Variants in RBFOX1 observed in about 807,000 individuals in gnomAD.
The protein encoded by RBFOX1 is RNA binding protein fox-1 homolog 1.
Under a neutral mutation model 57.7 loss-of-function variants are expected in RBFOX1, and 8 were observed. The observed-to-expected ratio is 0.14, with a 90% CI of 0.08 to 0.25. The LOEUF (loss-of-function observed/expected upper bound fraction) is 0.25, where lower values mean the gene tolerates loss of function less well. RBFOX1 is among the 10% of genes least tolerant of loss of function. RBFOX1 has a pLI of 1.00. For synonymous variants in RBFOX1, 326 were observed against 222.4 expected (o/e 1.47, Z -4.15); for missense variants, 611 against 548.5 (o/e 1.11, Z -1.14).
intron 1 of RBFOX1, among the ~76,000 whole-genome samples, chr16:5,342,947 C>A (rs1330117947): frequency 1.3e-5 from 2 of 152,122 alleles, no homozygotes; most frequent in Non-Finnish European, 2.9e-5. Context: ...TAGACCTAAG[C>A]CATCTGGGTA....
chr16:7,687,055 T>C (rs951015815), intron 14 of RBFOX1, among the ~76,000 whole-genome samples: 1 of 152,124 alleles, frequency 6.6e-6, no homozygotes, highest in African/African-American at 2.4e-5. Flanking sequence ...TTTAAGTGTA[T>C]TTTCATGTGT....
At chr16:7,193,924 G>C (rs547022946) in intron 4 of RBFOX1, among the ~76,000 whole-genome samples, 1 of 151,802 alleles carries the variant, frequency 6.6e-6, no homozygotes, top group Non-Finnish European at 1.5e-5. Flanking sequence ...AGTAGCAGTT[G>C]AAAATATAGT....
At chr16:5,834,687 GTAGA>G (rs151197873) in intron 3 of RBFOX1, among the ~76,000 whole-genome samples, 29 of 134,866 alleles carry the variant, frequency 2.2e-4, no homozygotes, top group Middle Eastern at 7.2e-3. Context: ...AATGGGATAG[GTAGA>G]TAGATAGATA....
chr16:6,213,414 C>A (rs973582723), intron 1 of RBFOX1, among the ~76,000 whole-genome samples: 16 of 152,090 alleles, frequency 1.1e-4, no homozygotes, highest in African/African-American at 3.9e-4. Flanking sequence ...CAACACTGGG[C>A]TGATTTACAA....
At chr16:6,100,267 A>G (rs1241869210) in intron 1 of RBFOX1, among the ~76,000 whole-genome samples, 2 of 151,842 alleles carry the variant, frequency 1.3e-5, no homozygotes, top group South Asian at 2.1e-4. Context: ...GGTTCACGCC[A>G]TTCTCCTGCC....
At chr16:6,213,917 C>T (rs1276706302) in intron 1 of RBFOX1, among the ~76,000 whole-genome samples, 3 of 152,128 alleles carry the variant, frequency 2.0e-5, no homozygotes, top group African/African-American at 7.2e-5. Context: ...AGCATCCCAG[C>T]TCTCTACACT....
At chr16:6,269,223 T>C (rs760489209) in intron 1 of RBFOX1, among the ~76,000 whole-genome samples, 5 of 152,204 alleles carry the variant, frequency 3.3e-5, no homozygotes, top group Non-Finnish European at 5.9e-5. Flanking sequence ...TTGGTGAATA[T>C]GTAAGTAGTA....
At chr16:6,694,519 G>C (rs1603432630) in intron 3 of RBFOX1, among the ~76,000 whole-genome samples, 2 of 152,192 alleles carry the variant, frequency 1.3e-5, no homozygotes, top group Admixed American at 6.5e-5. Context: ...AAGTGTTTTA[G>C]TTACATGTCC....
chr16:5,826,287 C>T (rs1035760699), intron 3 of RBFOX1, among the ~76,000 whole-genome samples: 1 of 151,982 alleles, frequency 6.6e-6, no homozygotes, highest in Non-Finnish European at 1.5e-5. Flanking sequence ...ATATACTGTG[C>T]CCCTCAAGTG....
intron 2 of RBFOX1, among the ~76,000 whole-genome samples, chr16:6,609,635 T>G (rs1052482290): frequency 6.6e-6 from 1 of 152,220 alleles, no homozygotes; most frequent in Admixed American, 6.5e-5. Context: ...ATTAGCTGTT[T>G]GGGGGAATCC....
At chr16:5,758,137 G>C (rs2053464948) in intron 3 of RBFOX1, among the ~76,000 whole-genome samples, 1 of 152,204 alleles carries the variant, frequency 6.6e-6, no homozygotes, top group African/African-American at 2.4e-5. Flanking sequence ...GTTAAATTGA[G>C]CCAGGAAAGA....
At chr16:6,063,240 C>G (rs1210876597) in intron 1 of RBFOX1, among the ~76,000 whole-genome samples, 2 of 152,050 alleles carry the variant, frequency 1.3e-5, no homozygotes, top group African/African-American at 2.4e-5. Context: ...AAGGCAGAGG[C>G]TGCCATGATC....
At chr16:6,183,001 A>G (rs1050878392) in intron 1 of RBFOX1, among the ~76,000 whole-genome samples, 2 of 152,222 alleles carry the variant, frequency 1.3e-5, no homozygotes, top group African/African-American at 4.8e-5. Flanking sequence ...GATCATATAC[A>G]TTAATTCACT....
At chr16:6,487,703 ATATATATATATATATATATATATATAT>A (rs2095533395) in intron 2 of RBFOX1, among the ~76,000 whole-genome samples, 2 of 4,774 alleles carry the variant, frequency 4.2e-4, no homozygotes, top group East Asian at 8.2e-3. Context: ...AAAAAAAAAT[ATATATATATATATATATATATATATAT>A]ATATATATAT....
At chr16:6,266,481 A>G (rs999527346) in intron 1 of RBFOX1, among the ~76,000 whole-genome samples, 1 of 152,204 alleles carries the variant, frequency 6.6e-6, no homozygotes, top group Non-Finnish European at 1.5e-5. Flanking sequence ...TGGGTGGCCT[A>G]GGCAGGCAGA....
At chr16:7,218,449 C>T (rs1278025116) in intron 4 of RBFOX1, among the ~76,000 whole-genome samples, 1 of 152,140 alleles carries the variant, frequency 6.6e-6, no homozygotes, top group Non-Finnish European at 1.5e-5. Context: ...CATATTCGAT[C>T]CCAGTGAGAG....
In RBFOX1 at chr16:6,896,005, A is replaced by G. The variant is rs149062750; in HGVS notation, c.-15-156052A>G. Among the ~76,000 whole-genome samples the G allele has an allele frequency of 6.8e-3, 1,027 of 152,064 alleles. 10 individuals carry two copies. The highest frequency in any genetic ancestry group is 0.023 in the African/African-American group (972 of 41,528). On this transcript the variant is annotated intron_variant, in intron 3 of 15. Transcript: ENST00000550418. ...GCATGCTGTGTGAAATAATCAAATC[A>G]TGAAGAATGGGATATCCATTGGGTT...
intron 3 of RBFOX1, among the ~76,000 whole-genome samples, chr16:6,814,315 A>G (rs536316950): frequency 1.3e-5 from 2 of 152,274 alleles, no homozygotes; most frequent in East Asian, 3.9e-4. Context: ...ACTGAAAGCA[A>G]GAAAGTTGAT....
At chr16:5,433,468 T>A (rs564742846) in intron 1 of RBFOX1, among the ~76,000 whole-genome samples, 2 of 152,088 alleles carry the variant, frequency 1.3e-5, no homozygotes, top group Non-Finnish European at 2.9e-5. Context: ...AGCCTGAAAA[T>A]AGGATTATAG....
Sources: gnomAD v4.1 joint callset for allele counts (sites outside exome capture counted in the v4.1 genomes callset) on GRCh38, gnomAD v4.1.1 for gene constraint, MANE v1.5 for transcripts, NCBI Gene and HGNC (gene_info 2026-07-23, HGNC 2026-07-21) for gene names.